DIP2C: variants seen among roughly 807,000 people sequenced by gnomAD.
DIP2C encodes disco-interacting protein 2 homolog C.
Under a neutral mutation model 192.4 loss-of-function variants are expected in DIP2C, and 33 were observed. That is an observed-to-expected ratio of 0.17 (90% confidence interval 0.13 to 0.23). The LOEUF is 0.23. Among genes scored for constraint, DIP2C ranks in the 10% least tolerant of loss-of-function variants. DIP2C has a pLI of 1.00. For missense variants in DIP2C, 1,537 were observed against 2,110.1 expected (o/e 0.73, Z 5.32); for synonymous variants, 979 against 864.1 (o/e 1.13, Z -2.33).
chr10:355,160 G>A (rs1293028794), intron 24 of DIP2C, among the ~76,000 whole-genome samples: 2 of 152,172 alleles, frequency 1.3e-5, no homozygotes, highest in Non-Finnish European at 2.9e-5. Flanking sequence ...CAGCGAACGA[G>A]GGCCAGAAGG....
chr10:468,660 C>T (rs780587271), intron 3 of DIP2C, among the ~76,000 whole-genome samples: 6 of 151,954 alleles, frequency 3.9e-5, no homozygotes, highest in East Asian at 3.9e-4. Flanking sequence ...CTTGAGAGGC[C>T]GAGGCAGGAG....
At chr10:483,510 T>TC (rs142813646) in intron 2 of DIP2C, among the ~76,000 whole-genome samples, 1,857 of 152,238 alleles carry the variant, frequency 0.012, 55 homozygotes, top group South Asian at 0.068. Context: ...CTGTCCGGAG[T>TC]CCCCCCATCC....
intron 3 of DIP2C, among the ~76,000 whole-genome samples, chr10:469,167 G>C (rs1383275772): frequency 6.6e-6 from 1 of 152,078 alleles, no homozygotes; most frequent in African/African-American, 2.4e-5. Flanking sequence ...GTCACTCTGG[G>C]TGCAGAATCG....
chr10:339,443 G>A (rs1958035554), intron 29 of DIP2C, among the ~76,000 whole-genome samples: 1 of 152,046 alleles, frequency 6.6e-6, no homozygotes, highest in South Asian at 2.1e-4. Context: ...CTTAAAGAGT[G>A]TATTGTTATT....
intron 1 of DIP2C, among the ~76,000 whole-genome samples, chr10:527,042 A>G (rs900898212): frequency 6.6e-6 from 1 of 152,232 alleles, no homozygotes. Context: ...AGCTGTCTGC[A>G]GTGAGCCACC....
At chr10:365,511 T>A (rs1406566197) in intron 19 of DIP2C, among the ~76,000 whole-genome samples, 3 of 152,244 alleles carry the variant, frequency 2.0e-5, no homozygotes, top group Admixed American at 6.5e-5. Flanking sequence ...CCCTCCAGCC[T>A]GAGTGACAGA....
At chr10:581,020 T>C (rs1423728363) in intron 1 of DIP2C, among the ~76,000 whole-genome samples, 1 of 152,186 alleles carries the variant, frequency 6.6e-6, no homozygotes, top group Admixed American at 6.5e-5. Flanking sequence ...TTCTGGCAGA[T>C]TATTCATTTT....
At chr10:293,107 G>A (rs1955574643) in intron 32 of DIP2C, among the ~76,000 whole-genome samples, 1 of 152,240 alleles carries the variant, frequency 6.6e-6, no homozygotes, top group South Asian at 2.1e-4. Context: ...GCCCTGGGGT[G>A]GGGCATCTGA....
At chr10:532,668 TGAGAGAGAGTATGGGTGTGA>T (rs1847462566) in intron 1 of DIP2C, among the ~76,000 whole-genome samples, 6 of 84,384 alleles carry the variant, frequency 7.1e-5, no homozygotes, top group African/African-American at 3.9e-4. Flanking sequence ...AGTATGGGTG[TGAGAGAGAGTATGGGTGTGA>T]GAGAGTATGG....
intron 17 of DIP2C, among the ~76,000 whole-genome samples, chr10:377,230 T>C (rs1961721978): frequency 6.6e-6 from 1 of 152,192 alleles, no homozygotes. Flanking sequence ...TAAACTTTTT[T>C]ACAAACTCTT....
chr10:580,586 A>G (rs73588157), intron 1 of DIP2C, among the ~76,000 whole-genome samples: 5,785 of 152,310 alleles, frequency 0.038, 159 homozygotes, highest in East Asian at 0.15. Flanking sequence ...TAGTGTACAT[A>G]CCTATACATT....
chr10:492,984 C>T (rs764096558), intron 1 of DIP2C, among the ~76,000 whole-genome samples: 9 of 152,170 alleles, frequency 5.9e-5, no homozygotes, highest in Non-Finnish European at 1.0e-4. Flanking sequence ...ATATGAATGC[C>T]GATGGAATTT....
chr10:392,883 C>T (rs920584494), intron 10 of DIP2C, among the ~76,000 whole-genome samples: 4 of 6,066 alleles, frequency 6.6e-4, no homozygotes, highest in African/African-American at 8.1e-4. Flanking sequence ...AACACTCACA[C>T]ACACGTGCCC....
At position 572,878 on chromosome 10, in the gene DIP2C, G is replaced by A. The variant is rs975212462; in HGVS notation, c.86-86348C>T. Reference sequence around the variant, plus strand: ...CACTCTCCAGTAAATGACAGCCGGCGGGACTCGCTAAACAGGCAGCCGGAA... The same window carrying A: ...CACTCTCCAGTAAATGACAGCCGGCAGGACTCGCTAAACAGGCAGCCGGAA... On this transcript the variant is annotated intron_variant, in intron 1 of 36. Coordinates refer to ENST00000280886, the MANE Select transcript of DIP2C (RefSeq NM_014974.3). Among the ~76,000 whole-genome samples, 12 of 152,226 alleles carry A rather than the reference G, an allele frequency of 7.9e-5. 1 individual carries two copies. The highest frequency in any genetic ancestry group is 1.2e-4 in the Non-Finnish European group (8 of 68,016).
intron 10 of DIP2C, among the ~76,000 whole-genome samples, chr10:398,689 T>G (rs1210547171): frequency 6.6e-6 from 1 of 152,236 alleles, no homozygotes; most frequent in African/African-American, 2.4e-5. Flanking sequence ...CAATGGCAAG[T>G]TTAGTAGCTT....
chr10:559,818 C>A (rs12572968), intron 1 of DIP2C, among the ~76,000 whole-genome samples: 5,026 of 152,302 alleles, frequency 0.033, 167 homozygotes, highest in African/African-American at 0.08. Flanking sequence ...ACTGCTGGGG[C>A]CCCTGCTCAG....
At chr10:333,059 C>G (rs1014348143) in intron 29 of DIP2C, among the ~76,000 whole-genome samples, 3 of 152,144 alleles carry the variant, frequency 2.0e-5, no homozygotes, top group African/African-American at 4.8e-5. Flanking sequence ...TGTGCCACCA[C>G]GCCAGGCTAA....
chr10:361,733 G>A (rs185334629), intron 22 of DIP2C, among the ~76,000 whole-genome samples: 70 of 152,278 alleles, frequency 4.6e-4, no homozygotes, highest in East Asian at 1.9e-3. Flanking sequence ...AACTGCCTCC[G>A]TGTCCTTCAC....
At chr10:582,906 C>A (rs1013349738) in intron 1 of DIP2C, among the ~76,000 whole-genome samples, 18 of 152,098 alleles carry the variant, frequency 1.2e-4, no homozygotes, top group Non-Finnish European at 2.5e-4. Flanking sequence ...AGGAAGGTAC[C>A]ATTTTCAAAT....
Sources: allele counts gnomAD v4.1 joint callset (sites outside exome capture counted in the v4.1 genomes callset), GRCh38; gene constraint gnomAD v4.1.1; transcripts MANE v1.5; gene names NCBI Gene and HGNC (gene_info 2026-07-23, HGNC 2026-07-21).